TTC28: variants seen among roughly 807,000 people sequenced by gnomAD.
The protein encoded by TTC28 is tetratricopeptide repeat domain 28.
Under a neutral mutation model 198.0 loss-of-function variants are expected in TTC28, and 61 were observed. The ratio of observed to expected loss-of-function variants is 0.31; its 90% CI spans 0.25 to 0.38. TTC28 has a LOEUF of 0.38. TTC28 is among the 10% of genes least tolerant of loss of function. The probability of loss-of-function intolerance (pLI) is 1.00; values close to 1 mark genes in which losing one functional copy is unlikely to be tolerated. For synonymous variants in TTC28, 1,171 were observed against 1,297.8 expected (o/e 0.90, Z 2.10); for missense variants, 2,678 against 3,164.0 (o/e 0.85, Z 3.69).
Position 27,981,229 on chromosome 22 carries a change from A to ATTTTTTTTTTTTT in TTC28, c.*991_*992insAAAAAAAAAAAAA, listed in dbSNP as rs1937001603. ...CTGGTTAAATCTAGTTAGCCATGGA[A>ATTTTTTTTTTTTT]ATTTTTTTTTTTTTTTTTTTTTTTT... On this transcript the variant is annotated 3_prime_UTR_variant, in exon 23 of 23. Transcript: ENST00000397906. 1.2e-4 allele frequency: 9 copies of ATTTTTTTTTTTTT among 72,734 alleles called. 1 individual carries two copies. The highest frequency in any genetic ancestry group is 1.5e-4 in the African/African-American group (3 of 20,466). The allele number at this position is 72,734 out of a possible 1,614,324, so 4.5% of individuals were successfully genotyped here.
intron 6 of TTC28, among the ~76,000 whole-genome samples, chr22:28,124,142 C>G (rs1227042089): frequency 6.6e-6 from 1 of 151,768 alleles, no homozygotes; most frequent in East Asian, 1.9e-4. Context: ...CTCCCTTATT[C>G]TGTAGCAATT....
chr22:28,066,319 G>A (rs1940750993), intron 12 of TTC28, among the ~76,000 whole-genome samples: 1 of 151,894 alleles, frequency 6.6e-6, no homozygotes. Flanking sequence ...GTGTGTGTGT[G>A]TGTGCGCGCG....
In TTC28 at chr22:28,014,186, C is replaced by T. The variant is rs1335325327; in HGVS notation, c.4218+62G>A. On this transcript the variant is annotated intron_variant, in intron 14 of 22. Transcript: ENST00000397906. ...GGTGTCTAAGAGGGATACATGTGGG[C>T]GCTGACTGGTAAGCGATGTGTTCTG... 8.4e-5 allele frequency: 126 copies of T among 1,497,670 alleles called. 1 individual carries two copies. In the South Asian group the frequency reaches 9.4e-4, roughly 11 times the overall value. 92.8% of individuals were successfully genotyped at this position (1,497,670 alleles called of 1,614,324 possible).
At chr22:28,530,451 C>G (rs1471064239) in intron 2 of TTC28, among the ~76,000 whole-genome samples, 2 of 152,052 alleles carry the variant, frequency 1.3e-5, no homozygotes, top group African/African-American at 2.4e-5. Flanking sequence ...ACTTGAAAGT[C>G]ATGGGGAGAA....
At chr22:28,311,749 A>G (rs185436463) in intron 2 of TTC28, among the ~76,000 whole-genome samples, 2 of 151,958 alleles carry the variant, frequency 1.3e-5, no homozygotes, top group Admixed American at 1.3e-4. Context: ...CAAATACTAG[A>G]TCTTATTCAT....
intron 5 of TTC28, among the ~76,000 whole-genome samples, chr22:28,209,070 T>C (rs1317776391): frequency 6.6e-6 from 1 of 152,192 alleles, no homozygotes; most frequent in Non-Finnish European, 1.5e-5. Context: ...ATTGTTCTCA[T>C]ACTTTCAAAT....
chr22:28,222,630 T>C (rs2147206458), intron 5 of TTC28, among the ~76,000 whole-genome samples: 1 of 152,310 alleles, frequency 6.6e-6, no homozygotes. Context: ...TTAAGAAATG[T>C]TCAGAAGCTA....
chr22:28,511,959 A>G (rs1336721485), intron 2 of TTC28, among the ~76,000 whole-genome samples: 1 of 152,196 alleles, frequency 6.6e-6, no homozygotes, highest in Non-Finnish European at 1.5e-5. Context: ...TTAATTAATT[A>G]AACTAAAGAG....
chr22:28,251,794 T>G (rs985001667), intron 5 of TTC28, among the ~76,000 whole-genome samples: 2 of 152,164 alleles, frequency 1.3e-5, no homozygotes, highest in African/African-American at 2.4e-5. Context: ...TTCATTTCAC[T>G]CTCCATTAAA....
chr22:28,604,297 T>TATATATATATATATATATA lies in TTC28; in HGVS notation c.381+25254_381+25255insTATATATATATATATATAT, dbSNP rs1053139903. 4.3e-3 allele frequency among the ~76,000 whole-genome samples: 487 copies of TATATATATATATATATATA among 113,622 alleles called. 4 individuals are homozygous for TATATATATATATATATATA. Among genetic ancestry groups the TATATATATATATATATATA allele is most frequent in the Non-Finnish European group, 6.9e-3 (382 of 55,502 alleles). 74.5% of individuals were successfully genotyped at this position (113,622 alleles called of 152,430 possible). A position where few individuals can be genotyped will look rare whatever the true frequency, so the allele number is the denominator to read the frequency against. On this transcript the variant is annotated intron_variant, in intron 2 of 22. Transcript: ENST00000397906. Reference sequence around the variant, plus strand: ...AGTCTTAAACAGAAAAAAAAAAAAATTATATATATATATATATATATATAT... The same window carrying TATATATATATATATATATA: ...AGTCTTAAACAGAAAAAAAAAAAAATATATATATATATATATATATATATATATATATATATATATATAT...
chr22:28,201,190 T>A (rs1925908493), intron 5 of TTC28, among the ~76,000 whole-genome samples: 1 of 152,140 alleles, frequency 6.6e-6, no homozygotes, highest in South Asian at 2.1e-4. Context: ...AATTCATTCA[T>A]TCATTCATTC....
intron 2 of TTC28, among the ~76,000 whole-genome samples, chr22:28,485,106 C>A (rs1374031029): frequency 6.6e-6 from 1 of 152,122 alleles, no homozygotes; most frequent in Admixed American, 6.5e-5. Context: ...TTTCTATAAT[C>A]TACATAGAGT....
chr22:28,056,450 T>C (rs1485939395), intron 12 of TTC28: 1 of 152,174 alleles, frequency 6.6e-6, no homozygotes, highest in Non-Finnish European at 1.5e-5. Context: ...CCATTATCAT[T>C]AACATTTTAA....
chr22:27,990,143 C>A (rs2146516267), intron 20 of TTC28, 136 bp from the exon 21 acceptor site: 1 of 1,206,272 alleles, frequency 8.3e-7, no homozygotes, highest in Non-Finnish European at 1.1e-6. Flanking sequence ...ATTTGAGATT[C>A]TTTTTCAGGT....
At chr22:28,298,865 T>C (rs1418478701) in intron 3 of TTC28, among the ~76,000 whole-genome samples, 1 of 152,186 alleles carries the variant, frequency 6.6e-6, no homozygotes, top group Non-Finnish European at 1.5e-5. Flanking sequence ...TAACCCAGTA[T>C]CCACTGCTGC....
intron 13 of TTC28, among the ~76,000 whole-genome samples, chr22:28,025,873 A>G (rs1243580792): frequency 6.6e-6 from 1 of 152,100 alleles, no homozygotes; most frequent in Non-Finnish European, 1.5e-5. Flanking sequence ...CTGTCTCTAA[A>G]CAAAAAAAGA....
intron 5 of TTC28, among the ~76,000 whole-genome samples, chr22:28,205,730 G>C (rs1926346501): frequency 6.6e-6 from 1 of 152,026 alleles, no homozygotes; most frequent in African/African-American, 2.4e-5. Flanking sequence ...TTCTCAGATA[G>C]GGGAAGGAGC....
intron 5 of TTC28, among the ~76,000 whole-genome samples, chr22:28,200,087 A>C (rs965933248): frequency 6.6e-6 from 1 of 152,160 alleles, no homozygotes; most frequent in Non-Finnish European, 1.5e-5. Context: ...ATTTTTATAA[A>C]ATAAAAGAGA....
rs558212648 is a variant in TTC28 at position 28,406,559 on chromosome 22, A to G, written c.382-99916T>C. ...TTCAGCAAAACAATCCTAGGGACAC[A>G]TAGAAAGATAATCATAAACTTTGAT... On this transcript the variant is annotated intron_variant, in intron 2 of 22. Transcript: ENST00000397906. 1.6e-4 allele frequency among the ~76,000 whole-genome samples: 24 copies of G among 152,392 alleles called. No individual in the cohort carries two copies. The South Asian group carries it at 4.8e-3, about 30-fold the overall frequency.
Sources: allele counts gnomAD v4.1 joint callset (sites outside exome capture counted in the v4.1 genomes callset), GRCh38; gene constraint gnomAD v4.1.1; transcripts MANE v1.5; gene names NCBI Gene and HGNC (gene_info 2026-07-23, HGNC 2026-07-21).